Variants in FOCAD observed in about 807,000 individuals in gnomAD.
FOCAD encodes the protein focadhesin, also known as KIAA1797.
In FOCAD, 198 loss-of-function variants were observed where a neutral mutation model predicts 225.6. The observed-to-expected ratio is 0.88, with a 90% confidence interval of 0.78 to 0.99. The LOEUF (loss-of-function observed/expected upper bound fraction) is 0.99. Ranked by LOEUF, FOCAD falls within the 50% of genes least tolerant of loss-of-function variation. The pLI, the probability that FOCAD is intolerant of heterozygous loss-of-function variation, is 0.00. For missense variants in FOCAD, 2,713 were observed against 2,123.6 expected, an observed-to-expected ratio of 1.28 and a Z score of -5.46; for synonymous variants, 897 against 755.0, an observed-to-expected ratio of 1.19 and a Z score of -3.08.
intron 15 of FOCAD, among the ~76,000 whole-genome samples, chr9:20,857,785 G>GT (rs35820198): frequency 0.011 from 1,142 of 106,050 alleles, 21 homozygotes; most frequent in African/African-American, 0.028. Context: ...TTTTTTTTGA[G>GT]TTTTTTTTTT....
intron 11 of FOCAD, among the ~76,000 whole-genome samples, chr9:20,807,891 A>G (rs1032824711): frequency 9.9e-5 from 15 of 152,130 alleles, no homozygotes; most frequent in African/African-American, 3.6e-4. Context: ...CTCTAATAAA[A>G]ATAGAAAAAA....
chr9:20,726,055 C>T (rs1826171169), intron 4 of FOCAD, among the ~76,000 whole-genome samples: 1 of 152,030 alleles, frequency 6.6e-6, no homozygotes, highest in African/African-American at 2.4e-5. Context: ...TCATTATCAC[C>T]AGTCGAATGT....
At chr9:20,784,032 A>G (rs1819663184) in intron 10 of FOCAD, among the ~76,000 whole-genome samples, 1 of 152,196 alleles carries the variant, frequency 6.6e-6, no homozygotes, top group Non-Finnish European at 1.5e-5. Context: ...CAGAGTTCCC[A>G]AGGAAGGAAC....
At chr9:20,701,377 G>A (rs191072200) in intron 1 of FOCAD, among the ~76,000 whole-genome samples, 47 of 152,294 alleles carry the variant, frequency 3.1e-4, no homozygotes, top group African/African-American at 1.1e-3. Context: ...CTGTCACATG[G>A]TGAGGTTTCC....
chr9:20,823,465 G>A (rs1414796055), intron 15 of FOCAD, among the ~76,000 whole-genome samples: 1 of 152,072 alleles, frequency 6.6e-6, no homozygotes, highest in African/African-American at 2.4e-5. Context: ...AGAAACAGGT[G>A]AGGTGAAGAA....
At chr9:20,943,344 A>AG (rs2132311479) in intron 28 of FOCAD, among the ~76,000 whole-genome samples, 1 of 152,348 alleles carries the variant, frequency 6.6e-6, no homozygotes, top group African/African-American at 2.4e-5. Flanking sequence ...AACAGAAACT[A>AG]GAAAAACACA....
intron 15 of FOCAD, among the ~76,000 whole-genome samples, chr9:20,838,235 AT>A (rs1173759715): frequency 6.6e-6 from 1 of 151,310 alleles, no homozygotes; most frequent in African/African-American, 2.4e-5. Flanking sequence ...TACATTAGTT[AT>A]CTTTTGTGAT....
intron 21 of FOCAD, among the ~76,000 whole-genome samples, chr9:20,901,915 G>T (rs1470586236): frequency 2.2e-5 from 3 of 136,132 alleles, no homozygotes; most frequent in Non-Finnish European, 5.0e-5. Context: ...TGTAAAATCT[G>T]CAAAACTGTC....
chr9:20,693,931 G>A (rs961296696), intron 1 of FOCAD, among the ~76,000 whole-genome samples: 1 of 152,124 alleles, frequency 6.6e-6, no homozygotes, highest in Admixed American at 6.5e-5. Context: ...GGCCAGTCTC[G>A]AACTCTTGAC....
intron 11 of FOCAD, among the ~76,000 whole-genome samples, chr9:20,815,344 C>T (rs1345982659): frequency 1.3e-5 from 2 of 150,044 alleles, no homozygotes; most frequent in Admixed American, 6.7e-5. Flanking sequence ...GGGGTTTCAC[C>T]ATGTTGGCCC....
intron 28 of FOCAD, among the ~76,000 whole-genome samples, chr9:20,942,483 A>C (rs1836767262): frequency 6.6e-6 from 1 of 152,246 alleles, no homozygotes. Flanking sequence ...TAGTCTGGCA[A>C]GAAACAGAAA....
intron 39 of FOCAD, 23 bp downstream of exon 39, chr9:20,982,469 CT>C (rs749357274): frequency 2.6e-6 from 4 of 1,566,398 alleles, no homozygotes; most frequent in Non-Finnish European, 3.5e-6. Context: ...CTTTCTATAC[CT>C]TTTTTCATTA....
intron 1 of FOCAD, among the ~76,000 whole-genome samples, chr9:20,709,914 C>T (rs969330765): frequency 2.0e-5 from 3 of 152,204 alleles, no homozygotes; most frequent in African/African-American, 7.2e-5. Flanking sequence ...TGTTTTTCCA[C>T]AGTGGCCCAC....
intron 2 of FOCAD, among the ~76,000 whole-genome samples, chr9:20,669,736 C>T (rs1170312293): frequency 6.6e-6 from 1 of 152,088 alleles, no homozygotes; most frequent in Non-Finnish European, 1.5e-5. Flanking sequence ...GATTGTGCCA[C>T]TGCACTCCAG....
rs140342619 is a variant in FOCAD, at chr9:20,766,351, T to A, written c.699+1278T>A. Among the ~76,000 whole-genome samples, 319 of 152,322 alleles carry A rather than the reference T, an allele frequency of 2.1e-3. 1 individual carries two copies. Among genetic ancestry groups the A allele is most frequent in the African/African-American group, 7.4e-3 (308 of 41,574 alleles). ...ATCAGCTTTATTAGAATGAAGCGTG[T>A]GAGGGTTGGACGTGGTCTTAGAGAC... On this transcript the variant is annotated intron_variant, in intron 7 of 43. Transcript: ENST00000338382.
At chr9:20,859,102 TG>T in intron 15 of FOCAD, among the ~76,000 whole-genome samples, 1 of 152,302 alleles carries the variant, frequency 6.6e-6, no homozygotes, top group African/African-American at 2.4e-5. Context: ...TGGCTGGGCA[TG>T]GTGGCTCATG....
At chr9:20,823,887 C>T (rs1379896872) in intron 15 of FOCAD, among the ~76,000 whole-genome samples, 2 of 152,068 alleles carry the variant, frequency 1.3e-5, no homozygotes, top group Non-Finnish European at 2.9e-5. Context: ...TTGGGCTAAG[C>T]ACTTTTTATG....
intron 11 of FOCAD, among the ~76,000 whole-genome samples, chr9:20,808,593 AAGG>A (rs1264348551): frequency 6.6e-6 from 1 of 152,206 alleles, no homozygotes; most frequent in African/African-American, 2.4e-5. Context: ...AGGTTGAAAA[AAGG>A]AGGAACATAC....
intron 5 of FOCAD, among the ~76,000 whole-genome samples, chr9:20,750,121 AC>A (rs1828414976): frequency 6.6e-6 from 1 of 152,098 alleles, no homozygotes; most frequent in Admixed American, 6.6e-5. Flanking sequence ...TGACTTTGGG[AC>A]AATGTGCTAG....
Sources: gnomAD v4.1 joint callset for allele counts (sites outside exome capture counted in the v4.1 genomes callset) on GRCh38, gnomAD v4.1.1 for gene constraint, MANE v1.5 for transcripts, NCBI Gene and HGNC (gene_info 2026-07-23, HGNC 2026-07-21) for gene names.